TTLL5: variants seen among roughly 807,000 people sequenced by gnomAD.
TTLL5 encodes tubulin polyglutamylase TTLL5.
In TTLL5, 132 loss-of-function variants were observed where a neutral mutation model predicts 168.4. The ratio of observed to expected loss-of-function variants is 0.78; its 90% confidence interval spans 0.68 to 0.91. TTLL5 has a LOEUF of 0.91. Ranked by LOEUF, TTLL5 falls within the 40% of genes least tolerant of loss-of-function variation. TTLL5 has a pLI of 0.00. For missense variants in TTLL5, 1,545 were observed against 1,581.5 expected (o/e 0.98, Z 0.39); for synonymous variants, 546 against 558.6 (o/e 0.98, Z 0.32).
intron 28 of TTLL5, among the ~76,000 whole-genome samples, chr14:75,833,737 C>T (rs1566623928): frequency 6.6e-6 from 1 of 152,112 alleles, no homozygotes; most frequent in African/African-American, 2.4e-5. Context: ...CTTACCCATA[C>T]CCATACATTA....
At chr14:75,667,751 G>GGT (rs1168571183) in intron 2 of TTLL5, among the ~76,000 whole-genome samples, 2 of 89,092 alleles carry the variant, frequency 2.2e-5, no homozygotes, top group Non-Finnish European at 4.0e-5. Flanking sequence ...ATCTTTTTAT[G>GGT]TTTTTTTTTT....
At chr14:75,709,828 TAAAAAAA>T (rs60209676) in intron 9 of TTLL5, 9 of 39,884 alleles carry the variant, frequency 2.3e-4, no homozygotes, top group East Asian at 1.4e-3. Flanking sequence ...CCCATCTCAT[TAAAAAAA>T]AAAAAAAAAA....
At chr14:75,906,646 AT>A in intron 31 of TTLL5, 1 of 985,928 alleles carries the variant, frequency 1.0e-6, no homozygotes, top group African/African-American at 1.7e-5. Flanking sequence ...GACAGAGAAA[AT>A]CAAAGTCGGT....
rs570389120 is a variant in TTLL5, at chr14:75,925,695, C to T, written c.3823+23471C>T. 6.8e-3 allele frequency among the ~76,000 whole-genome samples: 1,041 copies of T among 152,102 alleles called. 12 individuals are homozygous for T. The highest frequency in any genetic ancestry group is 0.011 in the Non-Finnish European group (745 of 68,018). Reference sequence around the variant, plus strand: ...ATCTCGGCACTTTGGGAGGCCAAGGCAGGCGGCTCGGAGGTGGAGGTTGTA... The same window carrying T: ...ATCTCGGCACTTTGGGAGGCCAAGGTAGGCGGCTCGGAGGTGGAGGTTGTA... On this transcript the variant is annotated intron_variant, in intron 31 of 31. Coordinates refer to ENST00000298832, the MANE Select transcript of TTLL5 (RefSeq NM_015072.5).
intron 21 of TTLL5, among the ~76,000 whole-genome samples, chr14:75,775,152 G>A (rs1891644618): frequency 6.6e-6 from 1 of 150,956 alleles, no homozygotes; most frequent in Admixed American, 6.6e-5. Context: ...CCTACTACCT[G>A]TCTTTGAATG....
chr14:75,708,946 C>T lies in TTLL5; in HGVS notation c.740+1239C>T, dbSNP rs556760248. On this transcript the variant is annotated intron_variant, in intron 9 of 31. Coordinates refer to ENST00000298832, the MANE Select transcript of TTLL5 (RefSeq NM_015072.5). ...ATTGTCTTGGGCCATACCTAAAATA[C>T]ACTAACAATAGCTGATGAGCTTAAA... 2.6e-4 allele frequency among the ~76,000 whole-genome samples: 39 copies of T among 152,204 alleles called. No individual in the cohort carries two copies. The East Asian group carries it at 5.2e-3, about 20-fold the overall frequency.
intron 27 of TTLL5, among the ~76,000 whole-genome samples, chr14:75,799,307 G>A (rs140158045): frequency 7.2e-5 from 11 of 152,088 alleles, no homozygotes; most frequent in East Asian, 3.9e-4. Context: ...GCTCACTTCC[G>A]TTATCCATTT....
Position 75,896,600 on chromosome 14 carries a change from C to A in TTLL5, c.3741-5542C>A, listed in dbSNP as rs75625672. ...AAACCATTGAAATAGAAAACTAGTA[C>A]CCCTGTGTTGGGGATGTGGAAAGCC... On this transcript the variant is annotated intron_variant, in intron 30 of 31. Transcript: ENST00000298832. Among the ~76,000 whole-genome samples, 1,269 of 152,254 alleles carry A rather than the reference C, an allele frequency of 8.3e-3. 18 individuals are homozygous for A. Among genetic ancestry groups the A allele is most frequent in the African/African-American group, 0.029 (1,198 of 41,542 alleles).
Position 75,775,104 on chromosome 14 carries a change from C to T in TTLL5, c.2137-380C>T, listed in dbSNP as rs570410284. On this transcript the variant is annotated intron_variant, in intron 21 of 31. Transcript: ENST00000298832. ...AATATTTCTGTATTCTCTGTCTTCT[C>T]ACCTTTGATACTTTCATCTGCTTCC... 2.0e-5 allele frequency among the ~76,000 whole-genome samples: 3 copies of T among 151,580 alleles called. No individual in the cohort carries two copies. The East Asian group carries it at 5.8e-4, about 29-fold the overall frequency.
chr14:75,951,834 G>A (rs1476938741), intron 31 of TTLL5, among the ~76,000 whole-genome samples: 2 of 152,182 alleles, frequency 1.3e-5, no homozygotes, highest in Non-Finnish European at 2.9e-5. Flanking sequence ...AAACCAAAAA[G>A]TTAGTATCCA....
At chr14:75,742,879 GTTATATTAT>G (rs1889358323) in intron 15 of TTLL5, among the ~76,000 whole-genome samples, 2 of 152,022 alleles carry the variant, frequency 1.3e-5, no homozygotes, top group East Asian at 3.8e-4. Context: ...ATAAACAATG[GTTATATTAT>G]TTATATTTGT....
At position 75,783,424 on chromosome 14, in the gene TTLL5, G is replaced by T; in HGVS notation, c.2880G>T (p.Leu960=). The T allele has an allele frequency of 6.2e-7, 1 of 1,614,158 alleles. No homozygotes were observed. ...GAQNIPSPTG[L]PRCRSGSHTI... ...AGAACATCCCAAGCCCTACTGGCCT[G>T]CCACGCTGTCGATCAGGAAGTCACA... Residue 960 remains leucine, a synonymous_variant, in exon 26 of 32, where the codon CTG becomes CTT. Coordinates refer to ENST00000298832, the MANE Select transcript of TTLL5 (RefSeq NM_015072.5).
In TTLL5 at chr14:75,854,848, G is replaced by A. The variant is rs1262011502; in HGVS notation, c.3327-8819G>A. Among the ~76,000 whole-genome samples the A allele has an allele frequency of 2.6e-5, 4 of 151,976 alleles. No individual in the cohort carries two copies. The South Asian group carries it at 6.2e-4, about 24-fold the overall frequency. On this transcript the variant is annotated intron_variant, in intron 28 of 31. Coordinates refer to ENST00000298832, the MANE Select transcript of TTLL5 (RefSeq NM_015072.5). The stretch of plus-strand genomic sequence containing the variant: ...CATGTTCTTAAATCTCATTATTTTT[G>A]TTATTCATATCAACAGTTACCAATA...
chr14:75,732,264 T>C (rs1255094229), intron 12 of TTLL5, 74 bp from the exon 13 acceptor site: 7 of 1,345,342 alleles, frequency 5.2e-6, no homozygotes, highest in Non-Finnish European at 7.3e-6. Flanking sequence ...GTTAATGAGA[T>C]TGAGTCTTCT....
rs751860183 is a variant in TTLL5 at position 75,954,481 on chromosome 14, C to T, written c.*35C>T. ...ACACAGAGAAACAACCTGTTCACCA[C>T]TCCTGGGTGCATGATTGAGGGTGAA... On this transcript the variant is annotated 3_prime_UTR_variant, in exon 32 of 32. Coordinates refer to ENST00000298832, the MANE Select transcript of TTLL5 (RefSeq NM_015072.5). 15 of 1,611,764 alleles carry T rather than the reference C, an allele frequency of 9.3e-6. No homozygotes were observed. The highest frequency in any genetic ancestry group is 1.2e-5 in the Non-Finnish European group (14 of 1,178,048).
At chr14:75,887,038 C>T (rs2032159369) in intron 30 of TTLL5, 4 of 1,287,574 alleles carry the variant, frequency 3.1e-6, no homozygotes, top group Non-Finnish European at 3.0e-6. Flanking sequence ...AGATGACCTT[C>T]TTTACCCTGG....
intron 28 of TTLL5, 65 bp from the exon 29 acceptor site, chr14:75,863,602 C>T: frequency 1.4e-6 from 2 of 1,422,188 alleles, no homozygotes; most frequent in Non-Finnish European, 1.9e-6. Flanking sequence ...AGATATTTCT[C>T]TCCTTTCCTC....
intron 31 of TTLL5, among the ~76,000 whole-genome samples, chr14:75,926,184 T>C (rs1436014935): frequency 8.0e-6 from 1 of 124,890 alleles, no homozygotes; most frequent in African/African-American, 2.9e-5. Flanking sequence ...TTTTTTTTTT[T>C]GCTTTCCATT....
Position 75,727,838 on chromosome 14 carries a change from A to G in TTLL5, c.1043-4500A>G, listed in dbSNP as rs752549376. On this transcript the variant is annotated intron_variant, in intron 12 of 31. Coordinates refer to ENST00000298832, the MANE Select transcript of TTLL5 (RefSeq NM_015072.5). ...ACTAATCTGTGATGAAAGAAATAAGACTAGTCGTTGTCAGGGATGGGGGAA... is the reference window on the plus strand; with the variant it reads ...ACTAATCTGTGATGAAAGAAATAAGGCTAGTCGTTGTCAGGGATGGGGGAA... 12 of 504,470 alleles carry G rather than the reference A, an allele frequency of 2.4e-5. No individual in the cohort carries two copies. In the East Asian group the frequency reaches 6.7e-4, roughly 28 times the overall value. The allele number at this position is 504,470 out of a possible 1,614,324, so 31.2% of individuals were successfully genotyped here.
Sources: allele counts gnomAD v4.1 joint callset (sites outside exome capture counted in the v4.1 genomes callset), GRCh38; gene constraint gnomAD v4.1.1; transcripts MANE v1.5; gene names NCBI Gene and HGNC (gene_info 2026-07-23, HGNC 2026-07-21).